Variants in GEN1 observed in about 807,000 individuals in gnomAD.
The protein encoded by GEN1 is flap endonuclease GEN homolog 1.
A neutral mutation model predicts 67.6 loss-of-function variants in GEN1; 64 were observed. That is an observed-to-expected ratio of 0.95 (90% CI 0.77 to 1.17). The LOEUF (loss-of-function observed/expected upper bound fraction) is 1.17, where lower values mean the gene tolerates loss of function less well. Ranked by LOEUF, GEN1 falls within the 50% of genes most tolerant of loss-of-function variation. The pLI is 0.00. For synonymous variants in GEN1, 371 were observed against 359.4 expected (o/e 1.03, Z -0.37); for missense variants, 1,058 against 1,048.3 (o/e 1.01, Z -0.13).
At chr2:17,770,047 G>A (rs1211275290) in intron 6 of GEN1, among the ~76,000 whole-genome samples, 1 of 151,970 alleles carries the variant, frequency 6.6e-6, no homozygotes, top group Non-Finnish European at 1.5e-5. Context: ...ATCCATTATT[G>A]ACATCAGTTA....
At position 17,782,499 on chromosome 2, in the gene GEN1, G is replaced by A. The variant is rs1672893799; in HGVS notation, c.*560G>A. 6.6e-6 allele frequency: 1 copy of A among 152,098 alleles called. No homozygotes were observed. The highest frequency in any genetic ancestry group is 2.4e-5 in the African/African-American group (1 of 41,402). 9.4% of individuals were successfully genotyped at this position (152,098 alleles called of 1,614,324 possible). A position where few individuals can be genotyped will look rare whatever the true frequency, so the allele number is the denominator to read the frequency against. ...CCCTCAGTTTGAAGATACCTTTAGT[G>A]TGCTCTTCCACTTTTGGTGTCTTAG... On this transcript the variant is annotated 3_prime_UTR_variant, in exon 14 of 14. Coordinates refer to ENST00000381254, the MANE Select transcript of GEN1 (RefSeq NM_001130009.3).
Position 17,780,881 on chromosome 2 carries a change from A to G in GEN1, c.1669A>G (p.Lys557Glu), listed in dbSNP as rs748782160. 4.3e-6 allele frequency: 7 copies of G among 1,613,792 alleles called. No homozygotes were observed. The highest frequency in any genetic ancestry group is 5.9e-6 in the Non-Finnish European group (7 of 1,179,764). The change falls in exon 14 of 14, where the codon AAA becomes GAA. Residue 557 changes from lysine (K) to glutamate (E), a missense_variant. Physicochemically the swap from Lys to Glu is moderately conservative, Grantham distance 56 (BLOSUM62 1). Transcript: ENST00000381254. ...SLRPLAIQQI[K>E]AVSKSLISES... ...AAGACCTTTGGCTATACAGCAAATTAAAGCTGTCAGTAAGTCTCTAATTTC... is the reference window on the plus strand; with the variant it reads ...AAGACCTTTGGCTATACAGCAAATTGAAGCTGTCAGTAAGTCTCTAATTTC...
At chr2:17,760,307 A>G (rs532243948) in intron 2 of GEN1, among the ~76,000 whole-genome samples, 2 of 152,332 alleles carry the variant, frequency 1.3e-5, no homozygotes, top group African/African-American at 4.8e-5. Context: ...CCAGACTCAC[A>G]TAGCTATCTC....
chr2:17,778,478 AGC>A (rs1672666197), intron 12 of GEN1, among the ~76,000 whole-genome samples: 13 of 137,968 alleles, frequency 9.4e-5, no homozygotes, highest in African/African-American at 2.3e-4. Flanking sequence ...ATACACACAC[AGC>A]ATGTGTGTGA....
Position 17,776,169 on chromosome 2 carries a change from A to G in GEN1, c.1202+1768A>G, listed in dbSNP as rs545378677. Among the ~76,000 whole-genome samples the G allele has an allele frequency of 1.6e-4, 24 of 152,044 alleles. No homozygotes were observed. The East Asian group carries it at 4.4e-3, about 28-fold the overall frequency. On this transcript the variant is annotated intron_variant, in intron 11 of 13. Coordinates refer to ENST00000381254, the MANE Select transcript of GEN1 (RefSeq NM_001130009.3). The stretch of plus-strand genomic sequence containing the variant: ...TTAATCTGTATCTAATCATGAGGAA[A>G]CAATCTAATGAATCCAAGTGAAAAA...
At chr2:17,768,532 T>C (rs1228494268) in intron 5 of GEN1, among the ~76,000 whole-genome samples, 1 of 152,224 alleles carries the variant, frequency 6.6e-6, no homozygotes, top group African/African-American at 2.4e-5. Flanking sequence ...AACAGTGTAA[T>C]TGTCATTTAC....
rs899854883 is a variant in GEN1 at position 17,787,203 on chromosome 2, A to ACAT, written c.*5265_*5267dup. 16 of 152,210 alleles carry ACAT rather than the reference A, an allele frequency of 1.1e-4. No homozygotes were observed. Among genetic ancestry groups the ACAT allele is most frequent in the Admixed American group, 3.3e-4 (5 of 15,284 alleles). 9.4% of individuals were successfully genotyped at this position (152,210 alleles called of 1,614,324 possible). ...ACGTGTCCCCAAAGAAATTACCCAT[A>ACAT]CATTCATCAGAGTATTTATCACATT... On this transcript the variant is annotated 3_prime_UTR_variant, in exon 14 of 14. Coordinates refer to ENST00000381254, the MANE Select transcript of GEN1 (RefSeq NM_001130009.3).
In GEN1 at chr2:17,784,032, A is replaced by C. The variant is rs766175795; in HGVS notation, c.*2093A>C. 2.6e-5 allele frequency: 4 copies of C among 152,346 alleles called. No homozygotes were observed. The highest frequency in any genetic ancestry group is 4.1e-4 in the South Asian group (2 of 4,828). 9.4% of individuals were successfully genotyped at this position (152,346 alleles called of 1,614,324 possible). On this transcript the variant is annotated 3_prime_UTR_variant, in exon 14 of 14. Coordinates refer to ENST00000381254, the MANE Select transcript of GEN1 (RefSeq NM_001130009.3). ...ACTAAAAACTGTTGTTTGAAATGAC[A>C]CCATCAAGAAAGTGAAAAGACAGCT...
chr2:17,780,153 A>G, intron 13 of GEN1, 32 bp downstream of exon 13: 4 of 1,576,712 alleles, frequency 2.5e-6, no homozygotes, highest in Non-Finnish European at 3.5e-6. Context: ...TATTTATGCC[A>G]CATGCAAATG....
intron 1 of GEN1, among the ~76,000 whole-genome samples, chr2:17,756,739 T>A (rs891663411): frequency 6.6e-6 from 1 of 152,182 alleles, no homozygotes; most frequent in Non-Finnish European, 1.5e-5. Flanking sequence ...GTAGTATTTT[T>A]AAATTTTACT....
Position 17,772,148 on chromosome 2 carries a change from A to G in GEN1, c.803-486A>G, listed in dbSNP as rs546006684. ...ACAGTCATCATTTGTTCATGTTCCA[A>G]GGATAGTTTAAAAATAACTGTAACT... On this transcript the variant is annotated intron_variant, in intron 7 of 13. Transcript: ENST00000381254. Among the ~76,000 whole-genome samples, 3 of 152,234 alleles carry G rather than the reference A, an allele frequency of 2.0e-5. No homozygotes were observed. The East Asian group carries it at 5.8e-4, about 29-fold the overall frequency.
At chr2:17,758,523 A>G (rs377701756) in intron 1 of GEN1, among the ~76,000 whole-genome samples, 24 of 152,326 alleles carry the variant, frequency 1.6e-4, no homozygotes, top group African/African-American at 5.5e-4. Flanking sequence ...AACTGAATTA[A>G]TGCCACAATG....
At chr2:17,755,115 C>T (rs1482943123) in intron 1 of GEN1, 1 of 152,206 alleles carries the variant, frequency 6.6e-6, no homozygotes, top group African/African-American at 2.4e-5. Context: ...AAAGTAATCA[C>T]ATATATATTA....
intron 3 of GEN1, among the ~76,000 whole-genome samples, chr2:17,762,728 A>G (rs1053754346): frequency 6.6e-6 from 1 of 152,188 alleles, no homozygotes; most frequent in Admixed American, 6.5e-5. Flanking sequence ...TCTACTATAC[A>G]TGGAAGTGTG....
chr2:17,759,116 G>A (rs1489072844), intron 1 of GEN1, among the ~76,000 whole-genome samples: 1 of 152,124 alleles, frequency 6.6e-6, no homozygotes, highest in Non-Finnish European at 1.5e-5. Context: ...TTGTGTTTCT[G>A]GAATGAATGA....
At chr2:17,754,830 C>T (rs1228036275) in intron 1 of GEN1, 2 of 152,216 alleles carry the variant, frequency 1.3e-5, no homozygotes, top group African/African-American at 4.8e-5. Context: ...TGTAAACCCC[C>T]TAAATAAACG....
rs1452595935 is a variant in GEN1, at chr2:17,761,425, C to T, written c.191C>T (p.Thr64Ile). 1.2e-6 allele frequency: 2 copies of T among 1,603,120 alleles called. No homozygotes were observed. The highest frequency in any genetic ancestry group is 1.7e-6 in the Non-Finnish European group (2 of 1,172,406). The change falls in exon 3 of 14, where the codon ACA (threonine) becomes ATA (isoleucine). Residue 64 changes from threonine (T) to isoleucine (I), a missense_variant. By Grantham distance (89) the Thr-to-Ile change is moderately conservative (BLOSUM62 -1). Transcript: ENST00000381254. ...TTATTTTTTCGTATCTCATATTTAA[C>T]ACAAATGGATGTAAAACTGGTATTT... ...RNLFFRISYL[T>I]QMDVKLVFVM... is the part of the protein sequence containing the mutation.
At position 17,782,239 on chromosome 2, in the gene GEN1, T is replaced by C. The variant is rs1041197205; in HGVS notation, c.*300T>C. 1 of 189,344 alleles carries C rather than the reference T, an allele frequency of 5.3e-6. No homozygotes were observed. Among genetic ancestry groups the C allele is most frequent in the African/African-American group, 2.3e-5 (1 of 42,936 alleles). 11.7% of individuals were successfully genotyped at this position (189,344 alleles called of 1,614,324 possible). ...GTAAATACTTCATCTGATTGTTCAT[T>C]TTTACTTTTTCTTCCACAAGCCTCT... On this transcript the variant is annotated 3_prime_UTR_variant, in exon 14 of 14. Transcript: ENST00000381254.
Position 17,782,486 on chromosome 2 carries a change from A to G in GEN1, c.*547A>G, listed in dbSNP as rs1455094859. On this transcript the variant is annotated 3_prime_UTR_variant, in exon 14 of 14. Transcript: ENST00000381254. ...AGAGTTATATTCTCCCTCAGTTTGA[A>G]GATACCTTTAGTGTGCTCTTCCACT... The G allele has an allele frequency of 1.3e-5, 2 of 152,178 alleles. No individual in the cohort carries two copies. Among genetic ancestry groups the G allele is most frequent in the Non-Finnish European group, 2.9e-5 (2 of 68,046 alleles). The allele number at this position is 152,178 out of a possible 1,614,324, so 9.4% of individuals were successfully genotyped here.
Sources: gnomAD v4.1 joint callset for allele counts (sites outside exome capture counted in the v4.1 genomes callset) on GRCh38, gnomAD v4.1.1 for gene constraint, MANE v1.5 for transcripts, NCBI Gene and HGNC (gene_info 2026-07-23, HGNC 2026-07-21) for gene names.